The following MTUS2 variants were observed in gnomAD, a reference collection of about 807,000 sequenced individuals.
MTUS2 encodes microtubule-associated tumor suppressor candidate 2.
A neutral mutation model predicts 114.1 loss-of-function variants in MTUS2; 40 were observed. The ratio of observed to expected loss-of-function variants is 0.35; its 90% CI spans 0.27 to 0.46. The LOEUF is 0.46. MTUS2 is among the 20% of genes least tolerant of loss of function. The probability of loss-of-function intolerance (pLI) is 1.00; values close to 1 mark genes in which losing one functional copy is unlikely to be tolerated. For missense variants in MTUS2, 1,679 were observed against 1,705.4 expected, an observed-to-expected ratio of 0.98 and a Z score of 0.27; for synonymous variants, 688 against 672.0, an observed-to-expected ratio of 1.02 and a Z score of -0.37.
intron 2 of MTUS2, among the ~76,000 whole-genome samples, chr13:28,872,657 T>C (rs1566189491): frequency 6.6e-6 from 1 of 152,072 alleles, no homozygotes; most frequent in Non-Finnish European, 1.5e-5. Flanking sequence ...GGTTTAGCAA[T>C]CAGCTCTTGT....
intron 8 of MTUS2, among the ~76,000 whole-genome samples, chr13:29,408,107 A>G (rs1316772119): frequency 6.6e-6 from 1 of 151,974 alleles, no homozygotes. Flanking sequence ...TATTACAATC[A>G]TTTTCTTCCA....
intron 5 of MTUS2, chr13:29,250,343 G>A (rs181349907): frequency 7.6e-4 from 116 of 152,136 alleles, no homozygotes; most frequent in African/African-American, 2.7e-3. Flanking sequence ...TTCAGTATCA[G>A]CATGCCATCT....
intron 8 of MTUS2, among the ~76,000 whole-genome samples, chr13:29,361,124 T>G (rs1203451976): frequency 5.9e-5 from 9 of 152,120 alleles, no homozygotes. Context: ...CCAGGAAAAT[T>G]CCTTGTTGGC....
At chr13:29,406,359 C>T (rs1874754427) in intron 8 of MTUS2, among the ~76,000 whole-genome samples, 1 of 152,172 alleles carries the variant, frequency 6.6e-6, no homozygotes, top group African/African-American at 2.4e-5. Context: ...AAGCTGCAGT[C>T]ACATCAAAGC....
At chr13:29,472,696 ATGGG>A (rs1394306461) in intron 9 of MTUS2, among the ~76,000 whole-genome samples, 2 of 152,234 alleles carry the variant, frequency 1.3e-5, no homozygotes, top group Non-Finnish European at 2.9e-5. Context: ...AAAATGATAT[ATGGG>A]TGAACATGTT....
At chr13:29,171,269 C>T in intron 5 of MTUS2, among the ~76,000 whole-genome samples, 1 of 152,132 alleles carries the variant, frequency 6.6e-6, no homozygotes, top group East Asian at 1.9e-4. Flanking sequence ...TTCTTCAATG[C>T]TTCATGGTCC....
rs1487792950 is a variant in MTUS2 at position 29,025,519 on chromosome 13, C to T, written c.821C>T (p.Thr274Ile). 5.0e-6 allele frequency: 8 copies of T among 1,613,686 alleles called. No homozygotes were observed. Among genetic ancestry groups the T allele is most frequent in the Non-Finnish European group, 5.9e-6 (7 of 1,179,736 alleles). Residue 274 changes from threonine (T) to isoleucine (I), a missense_variant, in exon 3 of 16, where the codon ACA (threonine) becomes ATA (isoleucine). Physicochemically the swap from Thr to Ile is moderately conservative, Grantham distance 89 (BLOSUM62 -1). Transcript: ENST00000612955. Reference protein sequence around the residue: ...AHVLQVCSEHTSHSAHPEPAL... With the variant: ...AHVLQVCSEHISHSAHPEPAL... The stretch of plus-strand genomic sequence containing the variant: ...GTACTGCAGGTGTGCAGTGAGCACA[C>T]ATCACATTCCGCCCATCCAGAGCCT...
At chr13:29,037,908 C>A (rs1223767746) in intron 4 of MTUS2, among the ~76,000 whole-genome samples, 4 of 152,326 alleles carry the variant, frequency 2.6e-5, no homozygotes, top group Admixed American at 6.5e-5. Context: ...GTTAGCAATT[C>A]ATCTAACCTT....
chr13:29,120,268 C>A (rs973680951), intron 5 of MTUS2, among the ~76,000 whole-genome samples: 14 of 151,876 alleles, frequency 9.2e-5, no homozygotes, highest in Admixed American at 3.9e-4. Context: ...ATCATGAATA[C>A]CTTTCTTTCA....
At chr13:28,969,489 C>T (rs1247922470) in intron 2 of MTUS2, among the ~76,000 whole-genome samples, 2 of 151,678 alleles carry the variant, frequency 1.3e-5, no homozygotes, top group Non-Finnish European at 2.9e-5. Context: ...TGAAGTTTTG[C>T]ACTATTTATT....
chr13:29,085,045 T>C (rs1013332152), intron 4 of MTUS2, among the ~76,000 whole-genome samples: 1 of 152,146 alleles, frequency 6.6e-6, no homozygotes. Flanking sequence ...GCTCAGTTCG[T>C]TCATGCAAGG....
intron 1 of MTUS2, among the ~76,000 whole-genome samples, chr13:28,828,480 A>G (rs1376282001): frequency 2.6e-5 from 4 of 152,260 alleles, no homozygotes; most frequent in Non-Finnish European, 4.4e-5. Flanking sequence ...ATAAATGGCC[A>G]TGAAATCTTC....
chr13:29,179,008 CT>C (rs1240854039), intron 5 of MTUS2, among the ~76,000 whole-genome samples: 1 of 152,168 alleles, frequency 6.6e-6, no homozygotes, highest in Non-Finnish European at 1.5e-5. Context: ...TGGCTGCCTA[CT>C]TTCCACTGTT....
chr13:28,857,129 T>A (rs1876683117), intron 2 of MTUS2, among the ~76,000 whole-genome samples: 1 of 152,228 alleles, frequency 6.6e-6, no homozygotes. Flanking sequence ...CAGGTTAAAT[T>A]TAATTTACAG....
At chr13:28,946,527 A>G (rs1411970698) in intron 2 of MTUS2, among the ~76,000 whole-genome samples, 2 of 152,218 alleles carry the variant, frequency 1.3e-5, no homozygotes, top group African/African-American at 2.4e-5. Flanking sequence ...CCCAATAACA[A>G]CAACTATTAT....
intron 5 of MTUS2, among the ~76,000 whole-genome samples, chr13:29,260,715 G>A (rs1566096517): frequency 6.6e-6 from 1 of 152,228 alleles, no homozygotes; most frequent in Non-Finnish European, 1.5e-5. Context: ...ACTGAGACAA[G>A]TAAGGACTGT....
chr13:29,389,217 ATATG>A (rs1311499347), intron 8 of MTUS2, among the ~76,000 whole-genome samples: 3 of 149,030 alleles, frequency 2.0e-5, no homozygotes, highest in Admixed American at 6.7e-5. Flanking sequence ...TTTTTCAAAT[ATATG>A]TATGTATATA....
At chr13:29,377,710 T>C (rs1871859250) in intron 8 of MTUS2, among the ~76,000 whole-genome samples, 2 of 151,792 alleles carry the variant, frequency 1.3e-5, no homozygotes, top group Admixed American at 1.3e-4. Context: ...TTGAATGAAG[T>C]AGAAACAGGA....
At chr13:29,196,702 T>C (rs1051124644) in intron 5 of MTUS2, among the ~76,000 whole-genome samples, 4 of 152,162 alleles carry the variant, frequency 2.6e-5, no homozygotes, top group Non-Finnish European at 5.9e-5. Flanking sequence ...GAACATACAG[T>C]ATTTGTTTGT....
Sources: gnomAD v4.1 joint callset for allele counts (sites outside exome capture counted in the v4.1 genomes callset) on GRCh38, gnomAD v4.1.1 for gene constraint, MANE v1.5 for transcripts, NCBI Gene and HGNC (gene_info 2026-07-23, HGNC 2026-07-21) for gene names.